PRR11: variants seen among roughly 807,000 people sequenced by gnomAD.
PRR11 encodes proline rich 11.
PRR11 carries 30 observed loss-of-function variants against 45.6 expected under a neutral mutation model. The observed-to-expected ratio is 0.66, with a 90% CI of 0.49 to 0.89. The LOEUF (loss-of-function observed/expected upper bound fraction) is 0.89. Among genes scored for constraint, PRR11 ranks in the 40% least tolerant of loss-of-function variants. The probability of loss-of-function intolerance (pLI) is 0.00; values close to 1 mark genes in which losing one functional copy is unlikely to be tolerated. For synonymous variants in PRR11, 128 were observed against 153.5 expected, an observed-to-expected ratio of 0.83 and a Z score of 1.23; for missense variants, 373 against 424.8, an observed-to-expected ratio of 0.88 and a Z score of 1.07.
At chr17:59,157,424 G>A (rs1011051349) in intron 1 of PRR11, among the ~76,000 whole-genome samples, 1 of 152,194 alleles carries the variant, frequency 6.6e-6, no homozygotes, top group Non-Finnish European at 1.5e-5. Flanking sequence ...TAAGGAGGCT[G>A]GGCATGGTGC....
chr17:59,173,063 C>T (rs757704713), intron 2 of PRR11, among the ~76,000 whole-genome samples: 19 of 152,210 alleles, frequency 1.2e-4, no homozygotes, highest in Non-Finnish European at 2.8e-4. Flanking sequence ...GTATCTAGCT[C>T]GAGGTTTGTA....
rs567165609 is a variant in PRR11 at position 59,171,075 on chromosome 17, C to T, written c.128+1195C>T. Among the ~76,000 whole-genome samples, 184 of 151,866 alleles carry T rather than the reference C, an allele frequency of 1.2e-3. 1 individual carries two copies. The highest frequency in any genetic ancestry group is 2.6e-3 in the Admixed American group (39 of 15,254). On this transcript the variant is annotated intron_variant, in intron 2 of 9. Transcript: ENST00000262293. ...GAGATCGAGACCATCCTGGCTAACACGGTGAAACCCCGTCTCTACTAAAAA... is the reference window on the plus strand; with the variant it reads ...GAGATCGAGACCATCCTGGCTAACATGGTGAAACCCCGTCTCTACTAAAAA...
intron 2 of PRR11, among the ~76,000 whole-genome samples, chr17:59,181,310 G>A (rs1295787782): frequency 6.6e-6 from 1 of 151,588 alleles, no homozygotes; most frequent in East Asian, 1.9e-4. Context: ...TTCTTATCCC[G>A]AGAGCCAAAC....
chr17:59,173,592 C>T (rs558677249), intron 2 of PRR11, among the ~76,000 whole-genome samples: 1 of 152,284 alleles, frequency 6.6e-6, no homozygotes, highest in East Asian at 1.9e-4. Flanking sequence ...GCCAGCAAGA[C>T]CACGAACCCG....
chr17:59,179,722 G>C, intron 2 of PRR11: 1 of 1,425,608 alleles, frequency 7.0e-7, no homozygotes, highest in Non-Finnish European at 9.7e-7. Context: ...GCTTCATCTT[G>C]AGCCCACACA....
Position 59,206,550 on chromosome 17 carries a change from AAC to A in PRR11, c.*4920_*4921del, listed in dbSNP as rs2046919058. 1.3e-5 allele frequency among the ~76,000 whole-genome samples: 2 copies of A among 152,148 alleles called. No homozygotes were observed. Among genetic ancestry groups the A allele is most frequent in the African/African-American group, 4.8e-5 (2 of 41,418 alleles). On this transcript the variant is annotated 3_prime_UTR_variant, in exon 10 of 10. Coordinates refer to ENST00000262293, the MANE Select transcript of PRR11 (RefSeq NM_018304.4). The stretch of plus-strand genomic sequence containing the variant: ...AGATTTTATATTGTAACCATTTGAG[AAC>A]TCTGTAAGTGCTATGGCTTCCTTAA...
chr17:59,182,903 T>C (rs1435653780), intron 2 of PRR11, among the ~76,000 whole-genome samples: 1 of 152,090 alleles, frequency 6.6e-6, no homozygotes, highest in African/African-American at 2.4e-5. Flanking sequence ...TAGTCTCTGT[T>C]CTATCCAAGG....
Position 59,187,897 on chromosome 17 carries a change from G to A in PRR11, c.402+2335G>A, listed in dbSNP as rs148427828. Among the ~76,000 whole-genome samples the A allele has an allele frequency of 4.0e-5, 6 of 151,228 alleles. No homozygotes were observed. In the East Asian group the frequency reaches 9.7e-4, roughly 24 times the overall value. On this transcript the variant is annotated intron_variant, in intron 4 of 9. Coordinates refer to ENST00000262293, the MANE Select transcript of PRR11 (RefSeq NM_018304.4). ...AAAAAAAAGTGTGTCAAGACTAGGT[G>A]TGGTACCAGTGACAAAGCCTCAAAG... is the stretch of plus-strand genomic sequence containing the variant.
chr17:59,194,474 A>G (rs1235093448), intron 5 of PRR11, among the ~76,000 whole-genome samples: 2 of 152,168 alleles, frequency 1.3e-5, no homozygotes, highest in African/African-American at 4.8e-5. Flanking sequence ...CTCCCGGGGA[A>G]GATGCAATAT....
intron 2 of PRR11, among the ~76,000 whole-genome samples, chr17:59,179,176 T>A (rs1482921930): frequency 6.6e-6 from 1 of 152,060 alleles, no homozygotes; most frequent in Non-Finnish European, 1.5e-5. Flanking sequence ...ATTTTTGTAT[T>A]TTTAGTAGAG....
At chr17:59,167,024 G>A (rs576972578) in intron 1 of PRR11, among the ~76,000 whole-genome samples, 5 of 152,116 alleles carry the variant, frequency 3.3e-5, no homozygotes, top group African/African-American at 9.6e-5. Context: ...TTAGCCAGGC[G>A]TGGATGGCGG....
intron 2 of PRR11, 115 bp from the exon 3 acceptor site, chr17:59,184,939 T>C (rs948267431): frequency 6.5e-5 from 42 of 644,118 alleles, no homozygotes; most frequent in Non-Finnish European, 8.6e-5. Flanking sequence ...TCAAGCAATC[T>C]CCTCACCTCA....
intron 2 of PRR11, chr17:59,178,395 A>G (rs2046760955): frequency 1.7e-5 from 8 of 462,466 alleles, no homozygotes; most frequent in South Asian, 8.2e-5. Context: ...GAAGAGAGGA[A>G]CTGTGGGTTT....
chr17:59,168,317 G>A (rs530142217), intron 1 of PRR11, among the ~76,000 whole-genome samples: 48 of 150,740 alleles, frequency 3.2e-4, no homozygotes, highest in African/African-American at 1.0e-3. Context: ...CACAGGCACC[G>A]TGCCACCATG....
At chr17:59,183,234 A>G (rs1472260260) in intron 2 of PRR11, among the ~76,000 whole-genome samples, 4 of 152,160 alleles carry the variant, frequency 2.6e-5, no homozygotes, top group Non-Finnish European at 5.9e-5. Flanking sequence ...CTCCGCATCC[A>G]TCTGTTCCCT....
intron 1 of PRR11, among the ~76,000 whole-genome samples, chr17:59,160,362 C>CT (rs1433384403): frequency 1.3e-5 from 2 of 152,132 alleles, no homozygotes; most frequent in Non-Finnish European, 2.9e-5. Flanking sequence ...TATACTTCCT[C>CT]TTGTTGTTTG....
At chr17:59,177,068 A>G (rs760832673) in intron 2 of PRR11, 17 of 512,572 alleles carry the variant, frequency 3.3e-5, no homozygotes, top group Non-Finnish European at 6.6e-5. Flanking sequence ...CAGAGTAAAG[A>G]GGACAAATAG....
Position 59,180,514 on chromosome 17 carries a change from TTTTTG to T in PRR11, c.129-4535_129-4531del, listed in dbSNP as rs1177502909. Among the ~76,000 whole-genome samples, 10 of 132,234 alleles carry T rather than the reference TTTTTG, an allele frequency of 7.6e-5. 1 individual carries two copies. Among genetic ancestry groups the T allele is most frequent in the African/African-American group, 2.9e-4 (10 of 34,936 alleles). The allele number at this position is 132,234 out of a possible 152,430, so 86.8% of individuals were successfully genotyped here. A position where few individuals can be genotyped will look rare whatever the true frequency, so the allele number is the denominator to read the frequency against. On this transcript the variant is annotated intron_variant, in intron 2 of 9. Transcript: ENST00000262293. ...CGTCCTTGTTTTTTTTTTTTTGTTT[TTTTTG>T]TTTTTTTTGCCACAGGGTCTCAGTC...
chr17:59,194,767 TA>T lies in PRR11; in HGVS notation c.663del (p.Asp222MetfsTer6). On this transcript the variant is annotated frameshift_variant, in exon 6 of 10. Transcript: ENST00000262293. LOFTEE classifies it high-confidence loss of function. ...ACCATGTATTTTAAGGCTGGACCAT[TA>T]AAAAAAGATGGACCCATGCAGATAA... is the stretch of plus-strand genomic sequence containing the variant. ...SLAKALQAGP[L>X]KKDGPMQITV... 6.2e-7 allele frequency: 1 copy of T among 1,612,286 alleles called. No homozygotes were observed. Among genetic ancestry groups the T allele is most frequent in the Non-Finnish European group, 8.5e-7 (1 of 1,179,108 alleles).
Sources: gnomAD v4.1 joint callset for allele counts (sites outside exome capture counted in the v4.1 genomes callset) on GRCh38, gnomAD v4.1.1 for gene constraint, MANE v1.5 for transcripts, NCBI Gene and HGNC (gene_info 2026-07-23, HGNC 2026-07-21) for gene names.